Variants in CATSPERD observed in about 807,000 individuals in gnomAD.
The protein encoded by CATSPERD is catsper channel auxiliary subunit delta, also known as cation channel sperm-associated auxiliary subunit delta.
In CATSPERD, 86 loss-of-function variants were observed where a neutral mutation model predicts 98.1. The observed-to-expected ratio is 0.88, with a 90% CI of 0.74 to 1.05. The LOEUF is 1.05. CATSPERD is among the 50% of genes least tolerant of loss of function. CATSPERD has a pLI of 0.00. For synonymous variants in CATSPERD, 394 were observed against 390.2 expected (o/e 1.01, Z -0.12); for missense variants, 995 against 1,005.7 (o/e 0.99, Z 0.14).
In CATSPERD at chr19:5,733,849, CT is replaced by C; in HGVS notation, c.277-3del. The C allele has an allele frequency of 1.3e-6, 2 of 1,592,228 alleles. No individual in the cohort carries two copies. The highest frequency in any genetic ancestry group is 2.2e-5 in the South Asian group (2 of 89,682). On this transcript the variant is annotated splice_polypyrimidine_tract_variant and splice_region_variant and intron_variant, in intron 4 of 21. Transcript: ENST00000381624. ...CTCATTGATATCATCCATATGATAACTTTTAGGTCGGCGTACCAGAAGTGAC... is the reference window on the plus strand; with the variant it reads ...CTCATTGATATCATCCATATGATAACTTTAGGTCGGCGTACCAGAAGTGAC...
At position 5,754,228 on chromosome 19, in the gene CATSPERD, A is replaced by G; in HGVS notation, c.1261A>G (p.Thr421Ala). The change falls in exon 13 of 22, where the codon ACA becomes GCA. Residue 421 changes from threonine (T) to alanine (A), a missense_variant. Around this residue, in one of 3 missense-constraint regions of CATSPERD, gnomAD observed 762 missense variants for 773.7 expected, o/e 0.98. Transcript: ENST00000381624. ...TGCTTCGTTGATACCCCAGCCAGGC[A>G]CATCCCTGATTCCTCTGGTAAGTAC... ...LTASLIPQPG[T>A]SLIPLVMVSN... 2 of 1,613,064 alleles carry G rather than the reference A, an allele frequency of 1.2e-6. No individual in the cohort carries two copies. Among genetic ancestry groups the G allele is most frequent in the Non-Finnish European group, 1.7e-6 (2 of 1,179,110 alleles).
At position 5,778,697 on chromosome 19, in the gene CATSPERD, A is replaced by T; in HGVS notation, c.*21A>T. On this transcript the variant is annotated 3_prime_UTR_variant, in exon 22 of 22. Coordinates refer to ENST00000381624, the MANE Select transcript of CATSPERD (RefSeq NM_152784.4). The stretch of plus-strand genomic sequence containing the variant: ...ACTGAGGCCGGTCCACAGGGTCCCA[A>T]CCCCTTGTCTTCAAATAAAGTATAA... The T allele has an allele frequency of 6.3e-7, 1 of 1,587,654 alleles. No homozygotes were observed. Among genetic ancestry groups the T allele is most frequent in the Non-Finnish European group, 8.6e-7 (1 of 1,166,866 alleles).
At chr19:5,763,828 C>G (rs1340332591) in intron 16 of CATSPERD, among the ~76,000 whole-genome samples, 1 of 104,154 alleles carries the variant, frequency 9.6e-6, no homozygotes, top group Non-Finnish European at 2.2e-5. Context: ...ACCATGTTGG[C>G]CAGGCTGGTC....
chr19:5,754,914 G>T (rs1325111823), intron 13 of CATSPERD, among the ~76,000 whole-genome samples: 1 of 149,060 alleles, frequency 6.7e-6, no homozygotes, highest in South Asian at 2.1e-4. Flanking sequence ...GCACGATCTC[G>T]GCTCACTGTA....
At chr19:5,729,198 C>A (rs979376728) in intron 3 of CATSPERD, among the ~76,000 whole-genome samples, 3 of 151,754 alleles carry the variant, frequency 2.0e-5, no homozygotes, top group African/African-American at 7.3e-5. Context: ...CAGGTTCAGG[C>A]GATTCTCCTG....
In CATSPERD at chr19:5,772,743, T is replaced by A. The variant is rs769688050; in HGVS notation, c.1764-45T>A. 3 of 1,571,062 alleles carry A rather than the reference T, an allele frequency of 1.9e-6. No individual in the cohort carries two copies. In the African/African-American group the frequency reaches 4.1e-5, roughly 21 times the overall value. ...TGGCTGTGGCCCGGGTCTTCCTGGG[T>A]TGTCCCTGCTCCCTGCACAGCCCTG... On this transcript the variant is annotated intron_variant, in intron 19 of 21. Transcript: ENST00000381624.
intron 12 of CATSPERD, among the ~76,000 whole-genome samples, chr19:5,752,302 T>G (rs1281300083): frequency 6.6e-6 from 1 of 150,430 alleles, no homozygotes; most frequent in Non-Finnish European, 1.5e-5. Flanking sequence ...GAGCGAGACT[T>G]CGTCTCAAAT....
At chr19:5,752,950 C>T (rs2056248637) in intron 12 of CATSPERD, among the ~76,000 whole-genome samples, 1 of 151,354 alleles carries the variant, frequency 6.6e-6, no homozygotes, top group South Asian at 2.1e-4. Flanking sequence ...ATCGCTTGAA[C>T]CTGGGAGGCA....
intron 21 of CATSPERD, among the ~76,000 whole-genome samples, chr19:5,776,966 C>A (rs998915517): frequency 3.9e-5 from 6 of 151,978 alleles, no homozygotes; most frequent in Non-Finnish European, 5.9e-5. Context: ...ATTTACACTA[C>A]GGGAATTGGC....
At chr19:5,769,943 G>A (rs967479687) in intron 18 of CATSPERD, among the ~76,000 whole-genome samples, 1 of 151,844 alleles carries the variant, frequency 6.6e-6, no homozygotes, top group African/African-American at 2.4e-5. Context: ...ACAAAAATTA[G>A]CCAGGCGTGG....
chr19:5,772,671 C>T, intron 19 of CATSPERD, 117 bp from the exon 20 acceptor site: 4 of 1,038,658 alleles, frequency 3.9e-6, no homozygotes, highest in East Asian at 2.5e-5. Context: ...CCTTTGGTTT[C>T]CTCTCTGTCA....
In CATSPERD at chr19:5,749,174, C is replaced by T; in HGVS notation, c.978C>T (p.Ser326=). ...YYGNLGIVPS[S]IIKFADQYIW... ...GCAATCTGGGCATCGTGCCAAGTTC[C>T]ATAATCAAAGTAGGTAAAAAGAAAG... Residue 326 remains serine, a synonymous_variant, in exon 11 of 22, where the codon TCC becomes TCT. Transcript: ENST00000381624. 1.9e-6 allele frequency: 3 copies of T among 1,610,812 alleles called. No individual in the cohort carries two copies. The highest frequency in any genetic ancestry group is 2.5e-6 in the Non-Finnish European group (3 of 1,178,338).
At chr19:5,768,376 G>A (rs1437448610) in intron 18 of CATSPERD, 134 bp downstream of exon 18, 13 of 485,840 alleles carry the variant, frequency 2.7e-5, no homozygotes, top group East Asian at 6.0e-5. Context: ...CTCGCCTGTC[G>A]CCCAGGCTGG....
At chr19:5,750,272 C>A (rs2056182162) in intron 11 of CATSPERD, among the ~76,000 whole-genome samples, 1 of 148,540 alleles carries the variant, frequency 6.7e-6, no homozygotes, top group Non-Finnish European at 1.5e-5. Flanking sequence ...CACGGTGAAA[C>A]CCCGTCTCTA....
At chr19:5,729,781 T>C (rs2055678436) in intron 3 of CATSPERD, 91 bp from the exon 4 acceptor site, 2 of 728,656 alleles carry the variant, frequency 2.7e-6, no homozygotes, top group South Asian at 3.9e-5. Flanking sequence ...CAAATTTTGT[T>C]TGAATGGAGA....
chr19:5,764,392 T>A lies in CATSPERD; in HGVS notation c.1506+1099T>A, dbSNP rs1256853973. 2.0e-5 allele frequency among the ~76,000 whole-genome samples: 3 copies of A among 152,112 alleles called. No individual in the cohort carries two copies. The South Asian group carries it at 6.2e-4, about 31-fold the overall frequency. On this transcript the variant is annotated intron_variant, in intron 16 of 21. Transcript: ENST00000381624. Reference sequence around the variant, plus strand: ...GTGCAGTGGTGCGATCTCGGCTCACTGCAAGCTCCACCTCCCGGGTTCACG... The same window carrying A: ...GTGCAGTGGTGCGATCTCGGCTCACAGCAAGCTCCACCTCCCGGGTTCACG...
chr19:5,752,031 C>A (rs2056231546), intron 12 of CATSPERD, among the ~76,000 whole-genome samples: 1 of 151,860 alleles, frequency 6.6e-6, no homozygotes, highest in African/African-American at 2.4e-5. Flanking sequence ...TGGGCGTTGG[C>A]CAGGTACGGT....
At chr19:5,742,319 T>C (rs930463951) in intron 7 of CATSPERD, among the ~76,000 whole-genome samples, 1 of 133,408 alleles carries the variant, frequency 7.5e-6, no homozygotes, top group Non-Finnish European at 1.7e-5. Flanking sequence ...TGTGTGTGGG[T>C]GTGCGTGTGC....
At chr19:5,772,176 T>C (rs1476976027) in intron 19 of CATSPERD, 1 of 399,758 alleles carries the variant, frequency 2.5e-6, no homozygotes. Flanking sequence ...GCCTCCCAAG[T>C]AGCTGGGACT....
Sources: gnomAD v4.1 joint callset for allele counts (sites outside exome capture counted in the v4.1 genomes callset) on GRCh38, gnomAD v4.1.1 for gene constraint, gnomAD v4.1.1 regional missense constraint, MANE v1.5 for transcripts, NCBI Gene and HGNC (gene_info 2026-07-23, HGNC 2026-07-21) for gene names.